The following SSBP2 variants were observed in gnomAD, a reference collection of about 807,000 sequenced individuals.
SSBP2 encodes the protein single-stranded DNA-binding protein 2.
A neutral mutation model predicts 61.8 loss-of-function variants in SSBP2; 17 were observed. That is an observed-to-expected ratio of 0.28 (90% CI 0.19 to 0.41). The LOEUF (loss-of-function observed/expected upper bound fraction) is 0.41. Ranked by LOEUF, SSBP2 falls within the 10% of genes least tolerant of loss-of-function variation. SSBP2 has a pLI of 1.00. For synonymous variants in SSBP2, 139 were observed against 141.3 expected, an observed-to-expected ratio of 0.98 and a Z score of 0.12; for missense variants, 310 against 458.7, an observed-to-expected ratio of 0.68 and a Z score of 2.96.
At chr5:81,611,836 C>T (rs758525598) in intron 4 of SSBP2, among the ~76,000 whole-genome samples, 146 of 152,132 alleles carry the variant, frequency 9.6e-4, no homozygotes, top group Non-Finnish European at 1.1e-3. Context: ...TTAGTTTCTT[C>T]ATTTATTTCT....
intron 1 of SSBP2, among the ~76,000 whole-genome samples, chr5:81,668,143 T>C (rs1451370992): frequency 6.6e-6 from 1 of 150,744 alleles, no homozygotes; most frequent in East Asian, 2.0e-4. Flanking sequence ...TAAGATACAA[T>C]TACTGTTGAT....
At chr5:81,738,372 C>T (rs1209524819) in intron 1 of SSBP2, among the ~76,000 whole-genome samples, 3 of 152,194 alleles carry the variant, frequency 2.0e-5, no homozygotes, top group Non-Finnish European at 1.5e-5. Flanking sequence ...CAGATTTCAG[C>T]TCTAACATGT....
chr5:81,514,669 G>A (rs1398129255), intron 4 of SSBP2, among the ~76,000 whole-genome samples: 2 of 152,026 alleles, frequency 1.3e-5, no homozygotes, highest in East Asian at 1.9e-4. Flanking sequence ...TGTATCTGTT[G>A]CGCTATCTTC....
At chr5:81,600,358 C>A (rs972010682) in intron 4 of SSBP2, among the ~76,000 whole-genome samples, 1 of 151,830 alleles carries the variant, frequency 6.6e-6, no homozygotes. Context: ...GTCAGGAGTT[C>A]GAGACCAGCC....
At chr5:81,505,438 GTAAT>G (rs1198166229) in intron 5 of SSBP2, among the ~76,000 whole-genome samples, 1 of 152,056 alleles carries the variant, frequency 6.6e-6, no homozygotes, top group Non-Finnish European at 1.5e-5. Flanking sequence ...CCCTAAATAT[GTAAT>G]TAATAGTATA....
At chr5:81,564,472 C>T (rs1773281941) in intron 4 of SSBP2, among the ~76,000 whole-genome samples, 1 of 152,184 alleles carries the variant, frequency 6.6e-6, no homozygotes, top group Non-Finnish European at 1.5e-5. Context: ...GTATATTACA[C>T]ATTTTCATTG....
At chr5:81,528,078 A>C (rs1770097912) in intron 4 of SSBP2, among the ~76,000 whole-genome samples, 1 of 151,926 alleles carries the variant, frequency 6.6e-6, no homozygotes. Flanking sequence ...TGTGGTACCT[A>C]CCGTATTATA....
chr5:81,506,248 A>C (rs929482756), intron 5 of SSBP2, among the ~76,000 whole-genome samples: 1 of 152,156 alleles, frequency 6.6e-6, no homozygotes, highest in African/African-American at 2.4e-5. Flanking sequence ...TTTTAAGAAA[A>C]TTAAACTTAA....
At chr5:81,478,624 A>C (rs1161401189) in intron 6 of SSBP2, among the ~76,000 whole-genome samples, 2 of 152,174 alleles carry the variant, frequency 1.3e-5, no homozygotes, top group Non-Finnish European at 2.9e-5. Flanking sequence ...GGCGTGAGCC[A>C]CCACACCCGG....
chr5:81,491,675 T>TC (rs1766863317), intron 5 of SSBP2, among the ~76,000 whole-genome samples: 1 of 151,892 alleles, frequency 6.6e-6, no homozygotes, highest in Admixed American at 6.6e-5. Flanking sequence ...CTCTTATATG[T>TC]CCTCCTTTAA....
chr5:81,563,635 G>A (rs1026075673), intron 4 of SSBP2, among the ~76,000 whole-genome samples: 1 of 152,086 alleles, frequency 6.6e-6, no homozygotes, highest in Admixed American at 6.6e-5. Context: ...CTCATCAAAG[G>A]TGCCAAGAAT....
intron 5 of SSBP2, among the ~76,000 whole-genome samples, chr5:81,499,251 T>A (rs1331136550): frequency 6.6e-6 from 1 of 152,178 alleles, no homozygotes; most frequent in Non-Finnish European, 1.5e-5. Context: ...TGTAAAGCAA[T>A]GACAGATCCA....
intron 1 of SSBP2, among the ~76,000 whole-genome samples, chr5:81,672,122 T>A (rs1212260116): frequency 6.6e-6 from 1 of 152,270 alleles, no homozygotes; most frequent in Non-Finnish European, 1.5e-5. Flanking sequence ...GCAACTTATA[T>A]TTATAGTGTT....
chr5:81,510,074 C>G (rs1380436599), intron 5 of SSBP2, among the ~76,000 whole-genome samples: 2 of 152,154 alleles, frequency 1.3e-5, no homozygotes, highest in Non-Finnish European at 2.9e-5. Context: ...TGTATATTCT[C>G]TTACCCTCTC....
chr5:81,457,986 G>C (rs1358566994), intron 10 of SSBP2, among the ~76,000 whole-genome samples: 1 of 152,036 alleles, frequency 6.6e-6, no homozygotes, highest in Admixed American at 6.6e-5. Flanking sequence ...TACTTCTGTA[G>C]TATCCCTGAC....
At chr5:81,477,532 A>G (rs190586936) in intron 6 of SSBP2, among the ~76,000 whole-genome samples, 26 of 152,222 alleles carry the variant, frequency 1.7e-4, no homozygotes, top group Admixed American at 5.9e-4. Context: ...TTATTCAATC[A>G]GTGTATTTAT....
intron 5 of SSBP2, among the ~76,000 whole-genome samples, chr5:81,510,015 G>GTTC: frequency 6.6e-6 from 1 of 152,250 alleles, no homozygotes; most frequent in Non-Finnish European, 1.5e-5. Context: ...TCTGTAATGG[G>GTTC]TTCTTCTTTT....
chr5:81,618,199 A>G (rs1165207736), intron 3 of SSBP2, among the ~76,000 whole-genome samples: 1 of 80,456 alleles, frequency 1.2e-5, no homozygotes, highest in Non-Finnish European at 2.6e-5. Context: ...TGCTGTATTC[A>G]GGAAACCCAT....
At chr5:81,485,744 C>G (rs1250060413) in intron 6 of SSBP2, among the ~76,000 whole-genome samples, 3 of 152,116 alleles carry the variant, frequency 2.0e-5, no homozygotes, top group Admixed American at 6.6e-5. Context: ...CTCCTGGGCT[C>G]AGGCGATTCT....
Sources: allele counts gnomAD v4.1 joint callset (sites outside exome capture counted in the v4.1 genomes callset), GRCh38; gene constraint gnomAD v4.1.1; transcripts MANE v1.5; gene names NCBI Gene and HGNC (gene_info 2026-07-23, HGNC 2026-07-21).